The following KCND2 variants were observed in gnomAD, a reference collection of about 807,000 sequenced individuals.
KCND2 encodes the protein A-type voltage-gated potassium channel KCND2.
In KCND2, 16 loss-of-function variants were observed where a neutral mutation model predicts 54.4. That is an observed-to-expected ratio of 0.29 (90% CI 0.20 to 0.45). KCND2 has a LOEUF of 0.45. Ranked by LOEUF, KCND2 falls within the 20% of genes least tolerant of loss-of-function variation. The pLI, the probability that KCND2 is intolerant of heterozygous loss-of-function variation, is 1.00. For missense variants in KCND2, 486 were observed against 824.2 expected (o/e 0.59, Z 5.02); for synonymous variants, 317 against 310.7 (o/e 1.02, Z -0.21).
intron 1 of KCND2, among the ~76,000 whole-genome samples, chr7:120,717,713 A>G (rs551160574): frequency 2.0e-5 from 3 of 152,062 alleles, no homozygotes; most frequent in African/African-American, 7.2e-5. Context: ...TAAAAACCAC[A>G]TCTCTTCTAT....
At chr7:120,384,876 T>C (rs1800965322) in intron 1 of KCND2, among the ~76,000 whole-genome samples, 1 of 152,140 alleles carries the variant, frequency 6.6e-6, no homozygotes, top group African/African-American at 2.4e-5. Context: ...AACTCTGTTC[T>C]TATGGAAAAA....
chr7:120,735,552 G>T (rs1042201836), intron 2 of KCND2, among the ~76,000 whole-genome samples: 35 of 151,990 alleles, frequency 2.3e-4, no homozygotes, highest in African/African-American at 8.2e-4. Context: ...CTGCAACAAA[G>T]AAATCAATAA....
intron 1 of KCND2, among the ~76,000 whole-genome samples, chr7:120,529,262 A>G (rs802372): frequency 0.25 from 37,548 of 152,052 alleles, 8,208 homozygotes; most frequent in African/African-American, 0.58. Flanking sequence ...GCTTAAATGA[A>G]AAAGATGGTC....
chr7:120,537,147 C>T (rs1454650021), intron 1 of KCND2, among the ~76,000 whole-genome samples: 1 of 152,158 alleles, frequency 6.6e-6, no homozygotes, highest in African/African-American at 2.4e-5. Context: ...CTATGGGATG[C>T]AGGATACATG....
chr7:120,413,514 T>C (rs1463341646), intron 1 of KCND2, among the ~76,000 whole-genome samples: 1 of 152,022 alleles, frequency 6.6e-6, no homozygotes, highest in Non-Finnish European at 1.5e-5. Context: ...TATGCATACA[T>C]ACTTATGTAT....
intron 1 of KCND2, among the ~76,000 whole-genome samples, chr7:120,476,379 GT>G (rs1218815758): frequency 2.0e-5 from 3 of 152,176 alleles, no homozygotes; most frequent in Non-Finnish European, 2.9e-5. Flanking sequence ...AGAAATCCTT[GT>G]TTTTGTTCAG....
chr7:120,646,825 A>G (rs1359129502), intron 1 of KCND2, among the ~76,000 whole-genome samples: 3 of 152,190 alleles, frequency 2.0e-5, no homozygotes, highest in Non-Finnish European at 4.4e-5. Flanking sequence ...TAGAAAGTAT[A>G]TTTTCTACTA....
chr7:120,375,718 C>T (rs114711141), intron 1 of KCND2, among the ~76,000 whole-genome samples: 47 of 151,798 alleles, frequency 3.1e-4, no homozygotes, highest in African/African-American at 9.6e-4. Context: ...GTTTTCCTGA[C>T]GAAGCTCAAG....
At chr7:120,683,917 C>T (rs1215821671) in intron 1 of KCND2, among the ~76,000 whole-genome samples, 1 of 152,070 alleles carries the variant, frequency 6.6e-6, no homozygotes, top group Non-Finnish European at 1.5e-5. Flanking sequence ...AGGAAAGGCA[C>T]AGTAAACAGA....
intron 1 of KCND2, among the ~76,000 whole-genome samples, chr7:120,518,859 GGGA>G (rs1435560746): frequency 3.9e-4 from 59 of 152,216 alleles, no homozygotes; most frequent in South Asian, 8.3e-4. Flanking sequence ...GCTTAAATTA[GGGA>G]TGTTATCATG....
intron 1 of KCND2, among the ~76,000 whole-genome samples, chr7:120,346,537 A>G (rs182125938): frequency 2.4e-4 from 36 of 152,340 alleles, no homozygotes; most frequent in East Asian, 2.1e-3. Flanking sequence ...GCTTCTTGAC[A>G]TAATAAAAAC....
At chr7:120,347,443 G>A (rs187451225) in intron 1 of KCND2, among the ~76,000 whole-genome samples, 30 of 152,188 alleles carry the variant, frequency 2.0e-4, no homozygotes, top group Admixed American at 6.5e-4. Flanking sequence ...AGAAGGAAGC[G>A]CTCATGTTTG....
chr7:120,584,822 AT>A (rs1245309281), intron 1 of KCND2, among the ~76,000 whole-genome samples: 4 of 152,286 alleles, frequency 2.6e-5, no homozygotes, highest in African/African-American at 4.8e-5. Flanking sequence ...AGCAAAAAAA[AT>A]CATAAAATAT....
intron 1 of KCND2, among the ~76,000 whole-genome samples, chr7:120,389,345 A>G (rs1473422244): frequency 6.6e-6 from 1 of 151,882 alleles, no homozygotes; most frequent in African/African-American, 2.4e-5. Context: ...CATCTTACAT[A>G]GTTATGTTGT....
At chr7:120,326,295 A>G (rs1584731522) in intron 1 of KCND2, among the ~76,000 whole-genome samples, 2 of 152,108 alleles carry the variant, frequency 1.3e-5, no homozygotes, top group East Asian at 3.9e-4. Context: ...TTATTAATAA[A>G]TGTTTTATTA....
At chr7:120,412,093 A>T (rs1312263733) in intron 1 of KCND2, among the ~76,000 whole-genome samples, 1 of 152,062 alleles carries the variant, frequency 6.6e-6, no homozygotes, top group African/African-American at 2.4e-5. Flanking sequence ...TCTTAAAAAG[A>T]AGGCTTCCCT....
At chr7:120,594,912 C>G (rs1450540101) in intron 1 of KCND2, among the ~76,000 whole-genome samples, 1 of 151,628 alleles carries the variant, frequency 6.6e-6, no homozygotes, top group Non-Finnish European at 1.5e-5. Context: ...CCTAGCTACT[C>G]AGGAGGCGGA....
intron 1 of KCND2, among the ~76,000 whole-genome samples, chr7:120,506,311 C>T (rs1224711613): frequency 6.6e-6 from 1 of 151,786 alleles, no homozygotes; most frequent in African/African-American, 2.4e-5. Context: ...TAGCCAAAGA[C>T]AGTGGCTGGT....
intron 1 of KCND2, among the ~76,000 whole-genome samples, chr7:120,627,507 G>T (rs1314001330): frequency 1.5e-4 from 23 of 151,886 alleles, no homozygotes; most frequent in Non-Finnish European, 1.3e-4. Flanking sequence ...TCCTATTTTG[G>T]AAAGTAAAGT....
Sources: gnomAD v4.1 joint callset for allele counts (sites outside exome capture counted in the v4.1 genomes callset) on GRCh38, gnomAD v4.1.1 for gene constraint, MANE v1.5 for transcripts, NCBI Gene and HGNC (gene_info 2026-07-23, HGNC 2026-07-21) for gene names.